Variants in NSMAF observed in about 807,000 individuals in gnomAD.
The protein encoded by NSMAF is neutral sphingomyelinase activation associated factor, also known as protein FAN.
NSMAF carries 90 observed loss-of-function variants against 134.9 expected under a neutral mutation model. That is an observed-to-expected ratio of 0.67 (90% CI 0.56 to 0.79). The LOEUF is 0.79. Among genes scored for constraint, NSMAF ranks in the 30% least tolerant of loss-of-function variants. The pLI is 0.00. For missense variants in NSMAF, 1,010 were observed against 1,119.0 expected (o/e 0.90, Z 1.39); for synonymous variants, 358 against 389.6 (o/e 0.92, Z 0.96).
intron 1 of NSMAF, among the ~76,000 whole-genome samples, chr8:58,652,074 G>C (rs1051879368): frequency 3.3e-5 from 5 of 152,108 alleles, no homozygotes; most frequent in Non-Finnish European, 7.4e-5. Context: ...ACTTGGATCA[G>C]AGAACATTTG....
intron 27 of NSMAF, among the ~76,000 whole-genome samples, chr8:58,587,217 TC>T (rs1585722780): frequency 6.6e-6 from 1 of 152,156 alleles, no homozygotes; most frequent in African/African-American, 2.4e-5. Context: ...CTGGTCACTG[TC>T]CCCCACTGTT....
At chr8:58,611,902 G>T (rs551447503) in intron 9 of NSMAF, among the ~76,000 whole-genome samples, 94 of 152,274 alleles carry the variant, frequency 6.2e-4, no homozygotes, top group African/African-American at 2.1e-3. Context: ...AAAGATATCA[G>T]TTCATAGATG....
At chr8:58,655,097 C>T (rs1327488915) in intron 1 of NSMAF, among the ~76,000 whole-genome samples, 17 of 152,064 alleles carry the variant, frequency 1.1e-4, no homozygotes, top group Non-Finnish European at 1.5e-5. Context: ...CCTTGGCCTC[C>T]CAAAGTTCTG....
intron 5 of NSMAF, 48 bp downstream of exon 5, chr8:58,635,141 A>G (rs1159520036): frequency 2.2e-6 from 3 of 1,366,174 alleles, no homozygotes; most frequent in East Asian, 2.3e-5. Flanking sequence ...ATGCACATAT[A>G]TAAGAATGTT....
intron 6 of NSMAF, among the ~76,000 whole-genome samples, chr8:58,624,556 C>T (rs896491736): frequency 6.6e-6 from 1 of 151,080 alleles, no homozygotes; most frequent in Non-Finnish European, 1.5e-5. Context: ...CACATATTCT[C>T]AGTTTTCCTT....
chr8:58,585,749 C>A lies in NSMAF; in HGVS notation c.2562G>T (p.Trp854Cys). The A allele has an allele frequency of 6.2e-7, 1 of 1,614,014 alleles. No individual in the cohort carries two copies. Among genetic ancestry groups the A allele is most frequent in the South Asian group, 1.1e-5 (1 of 91,080 alleles). ...TGCCAGATAAAACGGAATTTCCATC[C>A]CAGACAAAGCACCTGCAAGAATGAT... is the stretch of plus-strand genomic sequence containing the variant. ...TSDEPQRCFV[W>C]DGNSVLSGSQ... The change falls in exon 30 of 31, where the codon TGG becomes TGT. Residue 854 changes from tryptophan (W) to cysteine (C), a missense_variant. Trp to Cys is a radical substitution (Grantham distance 215). Coordinates refer to ENST00000038176, the MANE Select transcript of NSMAF (RefSeq NM_003580.4).
intron 16 of NSMAF, chr8:58,600,238 G>T: frequency 1.8e-6 from 1 of 564,768 alleles, no homozygotes; most frequent in East Asian, 2.9e-5. Context: ...CATGGCGGGA[G>T]TGGGCATAGA....
chr8:58,599,513 A>C, intron 18 of NSMAF, 150 bp from the exon 19 acceptor site: 1 of 1,031,860 alleles, frequency 9.7e-7, no homozygotes, highest in Non-Finnish European at 1.4e-6. Context: ...TATGAAATGT[A>C]AGTTTTTTGG....
chr8:58,623,479 A>C (rs981233713), intron 7 of NSMAF, 55 bp from the exon 8 acceptor site: 1 of 1,535,616 alleles, frequency 6.5e-7, no homozygotes. Flanking sequence ...GATATGAAGT[A>C]TTTCTTTAGA....
intron 30 of NSMAF, 28 bp from the exon 31 acceptor site, chr8:58,584,228 G>A: frequency 1.3e-6 from 2 of 1,570,636 alleles, no homozygotes; most frequent in Middle Eastern, 1.7e-4. Context: ...TGGTTAGTTA[G>A]GAAGTTGACC....
intron 9 of NSMAF, among the ~76,000 whole-genome samples, chr8:58,614,998 C>CA (rs1563532898): frequency 6.6e-6 from 1 of 151,438 alleles, no homozygotes; most frequent in Non-Finnish European, 1.5e-5. Flanking sequence ...AGTAAAAGGG[C>CA]AAAAAAAGAT....
In NSMAF at chr8:58,597,458, C is replaced by T. The variant is rs143492573; in HGVS notation, c.1721G>A (p.Arg574Gln). The T allele has an allele frequency of 2.9e-5, 47 of 1,613,950 alleles. No homozygotes were observed. In the South Asian group the frequency reaches 4.2e-4, roughly 14 times the overall value. ...ACTTTTAAACTTTGGGGTGATCCTT[C>T]GAGGATGTGGTGTCACAAATAGTTG... ...PKQLFVTPHP[R>Q]RITPKFKSLS... The change falls in exon 21 of 31, where the codon CGA becomes CAA. Residue 574 changes from arginine (R) to glutamine (Q), a missense_variant. Physicochemically the swap from Arg to Gln is conservative, Grantham distance 43. Transcript: ENST00000038176.
rs1212702546 is a variant in NSMAF at position 58,659,296 on chromosome 8, G to A, written c.59+277C>T. ...GCGGCCGCCGGGACCTGCACTGCCG[G>A]ATAGCTCGGCATGCCTCGGCTCCGC... On this transcript the variant is annotated intron_variant, in intron 1 of 30. Transcript: ENST00000038176. The A allele has an allele frequency of 7.2e-6, 11 of 1,524,718 alleles. No homozygotes were observed. The Admixed American group carries it at 1.0e-4, about 14-fold the overall frequency. 94.4% of individuals were successfully genotyped at this position (1,524,718 alleles called of 1,614,324 possible).
At chr8:58,659,084 C>G in intron 1 of NSMAF, 3 of 855,240 alleles carry the variant, frequency 3.5e-6, no homozygotes, top group Non-Finnish European at 4.9e-6. Flanking sequence ...GGGTGGTCGC[C>G]GGCCTGCTCG....
chr8:58,601,370 G>GT, intron 15 of NSMAF, 22 bp from the exon 16 acceptor site: 1 of 1,612,682 alleles, frequency 6.2e-7, no homozygotes, highest in Non-Finnish European at 8.5e-7. Context: ...AAAGTCAGAG[G>GT]TAAGTCAGGT....
intron 5 of NSMAF, among the ~76,000 whole-genome samples, chr8:58,634,212 T>C (rs1221443550): frequency 6.6e-6 from 1 of 152,208 alleles, no homozygotes; most frequent in Non-Finnish European, 1.5e-5. Context: ...GCCTGTGAAA[T>C]GTTTTCTTCC....
intron 2 of NSMAF, among the ~76,000 whole-genome samples, chr8:58,639,344 T>C (rs1196128203): frequency 6.6e-6 from 1 of 151,028 alleles, no homozygotes; most frequent in African/African-American, 2.4e-5. Flanking sequence ...CCAACAAGCA[T>C]ATGAAAAGAT....
chr8:58,588,334 CT>C (rs60214509), intron 26 of NSMAF: 153,013 of 577,472 alleles, frequency 0.26, 875 homozygotes, highest in East Asian at 0.4. Context: ...TTGACATTTT[CT>C]TTTTTTTTTT....
At chr8:58,617,004 G>T (rs1326754308) in intron 9 of NSMAF, among the ~76,000 whole-genome samples, 1 of 152,146 alleles carries the variant, frequency 6.6e-6, no homozygotes, top group Non-Finnish European at 1.5e-5. Flanking sequence ...ACAAAAGATG[G>T]CAGCATCTAC....
Sources: gnomAD v4.1 joint callset for allele counts (sites outside exome capture counted in the v4.1 genomes callset) on GRCh38, gnomAD v4.1.1 for gene constraint, MANE v1.5 for transcripts, NCBI Gene and HGNC (gene_info 2026-07-23, HGNC 2026-07-21) for gene names.